JARID2: variants seen among roughly 807,000 people sequenced by gnomAD.
The protein encoded by JARID2 is jumonji and AT-rich interaction domain containing 2, also known as protein Jumonji.
A neutral mutation model predicts 125.6 loss-of-function variants in JARID2; 21 were observed. The observed-to-expected ratio is 0.17, with a 90% CI of 0.12 to 0.24. JARID2 has a LOEUF of 0.24. Ranked by LOEUF, JARID2 falls within the 10% of genes least tolerant of loss-of-function variation. JARID2 has a pLI of 1.00. For missense variants in JARID2, 1,303 were observed against 1,639.6 expected, an observed-to-expected ratio of 0.79 and a Z score of 3.55; for synonymous variants, 736 against 661.6, an observed-to-expected ratio of 1.11 and a Z score of -1.73.
At chr6:15,499,019 G>A (rs938972931) in intron 7 of JARID2, among the ~76,000 whole-genome samples, 1 of 152,132 alleles carries the variant, frequency 6.6e-6, no homozygotes, top group Non-Finnish European at 1.5e-5. Context: ...TTTAGAGTAG[G>A]TTTTTCTTTA....
chr6:15,351,592 T>C (rs1013545925), intron 1 of JARID2, among the ~76,000 whole-genome samples: 21 of 152,076 alleles, frequency 1.4e-4, no homozygotes, highest in African/African-American at 4.3e-4. Flanking sequence ...AGTAGGTGCA[T>C]TTATATCACA....
intron 1 of JARID2, among the ~76,000 whole-genome samples, chr6:15,257,439 A>G (rs1027706840): frequency 3.9e-5 from 6 of 152,226 alleles, no homozygotes; most frequent in Admixed American, 2.6e-4. Context: ...GTTTGCATTT[A>G]TAACTTGTCA....
chr6:15,376,091 G>A (rs1246517001), intron 2 of JARID2, among the ~76,000 whole-genome samples: 1 of 152,188 alleles, frequency 6.6e-6, no homozygotes, highest in African/African-American at 2.4e-5. Context: ...TGATACTGAG[G>A]AGAAAAATCT....
intron 1 of JARID2, among the ~76,000 whole-genome samples, chr6:15,303,494 G>A (rs1235617074): frequency 1.3e-5 from 2 of 152,222 alleles, no homozygotes; most frequent in Non-Finnish European, 2.9e-5. Context: ...CTCTTTGGTG[G>A]GTGCTTTTTA....
chr6:15,499,101 C>A (rs1770603930), intron 7 of JARID2, among the ~76,000 whole-genome samples: 1 of 151,618 alleles, frequency 6.6e-6, no homozygotes, highest in African/African-American at 2.4e-5. Context: ...TTGTTGCCGT[C>A]ACCCAGAAGT....
chr6:15,455,779 C>T (rs192396994), intron 4 of JARID2, among the ~76,000 whole-genome samples: 78 of 152,248 alleles, frequency 5.1e-4, no homozygotes, highest in Non-Finnish European at 7.5e-4. Context: ...CTGCCTGCCT[C>T]GGCCTCCCAA....
intron 3 of JARID2, among the ~76,000 whole-genome samples, chr6:15,429,070 G>A (rs535826669): frequency 1.2e-4 from 18 of 152,166 alleles, no homozygotes; most frequent in African/African-American, 4.3e-4. Context: ...GCCTGTGTTT[G>A]GGTGGGGCGA....
intron 1 of JARID2, among the ~76,000 whole-genome samples, chr6:15,372,704 ATTT>A (rs1468056776): frequency 6.7e-6 from 1 of 149,388 alleles, no homozygotes; most frequent in Non-Finnish European, 1.5e-5. Flanking sequence ...TCCATTTCTT[ATTT>A]ATTTATTTAT....
At chr6:15,445,715 T>C (rs1581575230) in intron 3 of JARID2, among the ~76,000 whole-genome samples, 1 of 151,986 alleles carries the variant, frequency 6.6e-6, no homozygotes, top group East Asian at 1.9e-4. Context: ...TGGAATACAA[T>C]GAAATGCCAA....
In JARID2 at chr6:15,303,189, C is replaced by T. The variant is rs189329580; in HGVS notation, c.45+56605C>T. Among the ~76,000 whole-genome samples, 66 of 152,346 alleles carry T rather than the reference C, an allele frequency of 4.3e-4. No homozygotes were observed. The East Asian group carries it at 0.01, about 24-fold the overall frequency. On this transcript the variant is annotated intron_variant, in intron 1 of 17. Transcript: ENST00000341776. ...GACAAACTAGTAGCAACTGGTTCCT[C>T]GACCAGCTTTCTGGTGGAATGTGTG...
intron 5 of JARID2, among the ~76,000 whole-genome samples, chr6:15,482,941 G>A (rs1769693695): frequency 6.6e-6 from 1 of 152,186 alleles, no homozygotes; most frequent in African/African-American, 2.4e-5. Flanking sequence ...TAATGAACAA[G>A]GGTACATCAT....
At chr6:15,253,658 G>T (rs981770308) in intron 1 of JARID2, among the ~76,000 whole-genome samples, 11 of 151,932 alleles carry the variant, frequency 7.2e-5, no homozygotes, top group Non-Finnish European at 1.2e-4. Flanking sequence ...TCTTGCCACA[G>T]ATTTTACTAT....
chr6:15,362,532 C>T (rs1374571129), intron 1 of JARID2, among the ~76,000 whole-genome samples: 1 of 152,160 alleles, frequency 6.6e-6, no homozygotes, highest in Admixed American at 6.5e-5. Flanking sequence ...GCTTTTGCCC[C>T]TATGAGATGC....
chr6:15,320,848 C>CTGTGTGTGTGTGTGTGTGTGTG, intron 1 of JARID2, among the ~76,000 whole-genome samples: 1 of 135,136 alleles, frequency 7.4e-6, no homozygotes, highest in African/African-American at 2.8e-5. Flanking sequence ...TTCTCTCTCT[C>CTGTGTGTGTGTGTGTGTGTGTG]TCTCTGTGTG....
intron 1 of JARID2, among the ~76,000 whole-genome samples, chr6:15,282,954 AATCT>A (rs375994862): frequency 1.1e-3 from 165 of 150,572 alleles, no homozygotes; most frequent in East Asian, 4.2e-3. Flanking sequence ...ATGTTCCTGA[AATCT>A]ATCTATCTAT....
At chr6:15,306,178 C>T (rs971498757) in intron 1 of JARID2, among the ~76,000 whole-genome samples, 3 of 152,124 alleles carry the variant, frequency 2.0e-5, no homozygotes, top group African/African-American at 7.2e-5. Context: ...TTAAGTGCGT[C>T]ACAGTTAGGT....
chr6:15,363,493 C>T (rs947897899), intron 1 of JARID2, among the ~76,000 whole-genome samples: 1 of 152,210 alleles, frequency 6.6e-6, no homozygotes, highest in Non-Finnish European at 1.5e-5. Flanking sequence ...GTACCTCTCA[C>T]TCTTTCCACC....
In JARID2 at chr6:15,508,901, C is replaced by T. The variant is rs182754205; in HGVS notation, c.2846+447C>T. On this transcript the variant is annotated intron_variant, in intron 12 of 17. Coordinates refer to ENST00000341776, the MANE Select transcript of JARID2 (RefSeq NM_004973.4). Reference sequence around the variant, plus strand: ...CACAAAGCTAACCAGTAGTAGTGACCGTGTCATCAGCCCTCTAGTAACTGA... The same window carrying T: ...CACAAAGCTAACCAGTAGTAGTGACTGTGTCATCAGCCCTCTAGTAACTGA... 150 of 1,185,470 alleles carry T rather than the reference C, an allele frequency of 1.3e-4. 1 individual carries two copies. The East Asian group carries it at 4.2e-3, about 33-fold the overall frequency. 73.4% of individuals were successfully genotyped at this position (1,185,470 alleles called of 1,614,324 possible).
At chr6:15,432,406 C>T (rs1767004435) in intron 3 of JARID2, among the ~76,000 whole-genome samples, 1 of 152,088 alleles carries the variant, frequency 6.6e-6, no homozygotes, top group Non-Finnish European at 1.5e-5. Flanking sequence ...TCAGCCTGGG[C>T]AGACTTGGGA....
Sources: allele counts gnomAD v4.1 joint callset (sites outside exome capture counted in the v4.1 genomes callset), GRCh38; gene constraint gnomAD v4.1.1; transcripts MANE v1.5; gene names NCBI Gene and HGNC (gene_info 2026-07-23, HGNC 2026-07-21).